Variants in TTC29 observed in about 807,000 individuals in gnomAD.
The protein encoded by TTC29 is tetratricopeptide repeat protein 29.
Under a neutral mutation model 58.1 loss-of-function variants are expected in TTC29, and 49 were observed. That is an observed-to-expected ratio of 0.84 (90% CI 0.67 to 1.07). TTC29 has a LOEUF of 1.07. Ranked by LOEUF, TTC29 falls within the 50% of genes least tolerant of loss-of-function variation. TTC29 has a pLI of 0.00. For synonymous variants in TTC29, 209 were observed against 196.8 expected (o/e 1.06, Z -0.52); for missense variants, 582 against 555.6 (o/e 1.05, Z -0.48).
chr4:146,934,517 T>G (rs1735616175), intron 4 of TTC29, among the ~76,000 whole-genome samples: 1 of 152,134 alleles, frequency 6.6e-6, no homozygotes, highest in African/African-American at 2.4e-5. Context: ...TCTAAAAACT[T>G]TCAGCTTGAT....
At chr4:146,761,966 AC>A (rs1197071763) in intron 11 of TTC29, among the ~76,000 whole-genome samples, 3 of 151,912 alleles carry the variant, frequency 2.0e-5, no homozygotes, top group African/African-American at 7.2e-5. Context: ...ATTTAAAAAA[AC>A]AAAAACAAAA....
intron 9 of TTC29, among the ~76,000 whole-genome samples, chr4:146,822,517 G>T (rs1330876444): frequency 1.3e-5 from 2 of 152,126 alleles, no homozygotes; most frequent in Non-Finnish European, 2.9e-5. Context: ...CCATGTCTTT[G>T]CTATTGTAAA....
rs78428537 is a variant in TTC29, at chr4:146,902,167, T to C, written c.586+1377A>G. On this transcript the variant is annotated intron_variant, in intron 6 of 12. Coordinates refer to ENST00000325106, the MANE Select transcript of TTC29 (RefSeq NM_031956.4). ...AGCTTCCTAGCCATCCCCCTTCCTC[T>C]TTTCCCTCCTCTGACAGTTTGTATC... 1.2e-3 allele frequency among the ~76,000 whole-genome samples: 183 copies of C among 152,294 alleles called. 1 individual carries two copies. The East Asian group carries it at 0.031, about 26-fold the overall frequency.
chr4:146,909,128 C>A lies in TTC29; in HGVS notation c.298G>T (p.Val100Phe), dbSNP rs1187961311. ...TTCTGCAGCCAGAAGAGGGACCTGA[C>A]TCTCGCAGCCTCCCTCAGGGCATCC... is the stretch of plus-strand genomic sequence containing the variant. ...RWDALREAAR[V>F]RSLFWLQKPL... The change falls in exon 5 of 13, where the codon GTC becomes TTC. Residue 100 changes from valine (V) to phenylalanine (F), a missense_variant. Physicochemically the swap from Val to Phe is conservative, Grantham distance 50. Transcript: ENST00000325106. 6.2e-7 allele frequency: 1 copy of A among 1,613,788 alleles called. No homozygotes were observed. The highest frequency in any genetic ancestry group is 1.3e-5 in the African/African-American group (1 of 74,918).
intron 11 of TTC29, among the ~76,000 whole-genome samples, chr4:146,718,246 T>C (rs1743085965): frequency 6.6e-6 from 1 of 152,182 alleles, no homozygotes; most frequent in South Asian, 2.1e-4. Context: ...GAAGTAGGAT[T>C]GCTGTATCAT....
chr4:146,812,557 C>T (rs987455432), intron 10 of TTC29, among the ~76,000 whole-genome samples: 1 of 152,022 alleles, frequency 6.6e-6, no homozygotes, highest in African/African-American at 2.4e-5. Context: ...TTTATAAGTG[C>T]CTTTTTACTC....
rs1733710206 is a variant in TTC29, at chr4:146,909,010, C to T, written c.400+16G>A. ...TCTGGCTCCTTCTGTGCTCTGCCCA[C>T]AGTCCCACCACTTACCTTTCCTCTC... On this transcript the variant is annotated intron_variant, in intron 5 of 12. Transcript: ENST00000325106. 6.2e-7 allele frequency: 1 copy of T among 1,608,748 alleles called. No homozygotes were observed. Among genetic ancestry groups the T allele is most frequent in the African/African-American group, 1.3e-5 (1 of 74,812 alleles).
chr4:146,748,673 C>T (rs1243360096), intron 11 of TTC29, among the ~76,000 whole-genome samples: 25 of 152,294 alleles, frequency 1.6e-4, no homozygotes, highest in South Asian at 1.0e-3. Context: ...GACTACATCA[C>T]GGTGCCCACA....
intron 10 of TTC29, among the ~76,000 whole-genome samples, chr4:146,806,662 G>A (rs1182276873): frequency 6.6e-6 from 1 of 151,120 alleles, no homozygotes; most frequent in African/African-American, 2.4e-5. Flanking sequence ...TAATGGTAAA[G>A]GGATCAATGA....
At chr4:146,774,139 T>A (rs747843212) in intron 11 of TTC29, among the ~76,000 whole-genome samples, 5 of 152,142 alleles carry the variant, frequency 3.3e-5, no homozygotes, top group Non-Finnish European at 4.4e-5. Flanking sequence ...TTAGTTTAGC[T>A]AGCAGTCTAT....
At chr4:146,787,531 G>A (rs1749112848) in intron 11 of TTC29, among the ~76,000 whole-genome samples, 1 of 152,128 alleles carries the variant, frequency 6.6e-6, no homozygotes. Flanking sequence ...GCGTGCTTAG[G>A]TTTTCTCCTG....
At chr4:146,755,828 A>C (rs1286854178) in intron 11 of TTC29, among the ~76,000 whole-genome samples, 1 of 152,096 alleles carries the variant, frequency 6.6e-6, no homozygotes, top group Non-Finnish European at 1.5e-5. Flanking sequence ...ATGACCCAAA[A>C]CCAAGTCTAC....
intron 6 of TTC29, among the ~76,000 whole-genome samples, chr4:146,899,916 C>T (rs891193751): frequency 1.3e-5 from 2 of 152,192 alleles, no homozygotes; most frequent in Admixed American, 6.5e-5. Flanking sequence ...CTGCCACCTG[C>T]CCCTGGGCAC....
intron 4 of TTC29, among the ~76,000 whole-genome samples, chr4:146,920,329 G>A (rs17022124): frequency 0.16 from 23,854 of 150,832 alleles, 3,005 homozygotes; most frequent in African/African-American, 0.34. Context: ...ATATTCTAAT[G>A]TTGCCCCCTC....
At chr4:146,736,080 T>C (rs6850754) in intron 11 of TTC29, among the ~76,000 whole-genome samples, 152,187 of 152,244 alleles carry the variant, frequency 1, 76,065 homozygotes, top group Non-Finnish European at 1. Flanking sequence ...CTATGTTTCC[T>C]CCAGTTTGGA....
chr4:146,747,373 C>T (rs1191748963), intron 11 of TTC29, among the ~76,000 whole-genome samples: 2 of 152,170 alleles, frequency 1.3e-5, no homozygotes, highest in South Asian at 4.1e-4. Flanking sequence ...ACCACTGCAC[C>T]ACAGGAACCT....
At chr4:146,859,437 G>A (rs1007515738) in intron 8 of TTC29, among the ~76,000 whole-genome samples, 3 of 151,666 alleles carry the variant, frequency 2.0e-5, no homozygotes, top group Admixed American at 6.6e-5. Context: ...CTTACATATA[G>A]TGTAAGAAAA....
intron 11 of TTC29, among the ~76,000 whole-genome samples, chr4:146,729,152 T>C (rs1744141775): frequency 6.6e-6 from 1 of 152,084 alleles, no homozygotes; most frequent in South Asian, 2.1e-4. Flanking sequence ...AGGCCGTATC[T>C]CTTCTTTTCA....
At chr4:146,851,078 T>G (rs1412912803) in intron 8 of TTC29, among the ~76,000 whole-genome samples, 1 of 152,230 alleles carries the variant, frequency 6.6e-6, no homozygotes, top group African/African-American at 2.4e-5. Flanking sequence ...TTAAGCCAGC[T>G]GTGGCAGCAT....
Sources: allele counts gnomAD v4.1 joint callset (sites outside exome capture counted in the v4.1 genomes callset), GRCh38; gene constraint gnomAD v4.1.1; transcripts MANE v1.5; gene names NCBI Gene and HGNC (gene_info 2026-07-23, HGNC 2026-07-21).